The following YIPF4 variants were observed in gnomAD, a reference collection of about 807,000 sequenced individuals.
YIPF4 encodes protein YIPF4.
In YIPF4, 18 loss-of-function variants were observed where a neutral mutation model predicts 29.4. The observed-to-expected ratio is 0.61, with a 90% confidence interval of 0.42 to 0.91. YIPF4 has a LOEUF of 0.91. YIPF4 is among the 40% of genes least tolerant of loss of function. The pLI is 0.00. For synonymous variants in YIPF4, 115 were observed against 104.7 expected, an observed-to-expected ratio of 1.10 and a Z score of -0.60; for missense variants, 279 against 282.7, an observed-to-expected ratio of 0.99 and a Z score of 0.09.
intron 1 of YIPF4, among the ~76,000 whole-genome samples, chr2:32,284,880 G>A (rs912756284): frequency 6.6e-6 from 1 of 152,174 alleles, no homozygotes. Flanking sequence ...GAGCAGGTAA[G>A]TGGGCCTGGA....
chr2:32,299,581 G>A (rs1054625086), intron 4 of YIPF4, among the ~76,000 whole-genome samples: 1 of 152,166 alleles, frequency 6.6e-6, no homozygotes, highest in Non-Finnish European at 1.5e-5. Context: ...CAGCACTTTG[G>A]GGGGCTGACG....
At position 32,298,285 on chromosome 2, in the gene YIPF4, T is replaced by C. The variant is rs1355667197; in HGVS notation, c.457T>C (p.Leu153=). The change falls in exon 4 of 6, where the codon TTA becomes CTA. Residue 153 remains leucine (L), a synonymous_variant. Transcript: ENST00000238831. ...GATATTTGGTTCACTAACAATTTTC[T>C]TACTGGCCAGAGTTCTTGGTGGAGA... ...IWIFGSLTIF[L]LARVLGGEVA... 3.1e-6 allele frequency: 5 copies of C among 1,610,706 alleles called. No individual in the cohort carries two copies.
rs531932394 is a variant in YIPF4, at chr2:32,309,666, T to C, written c.*4040T>C. ...GCACATTTTATCCAGTTTTAGGCTT[T>C]AGGGAATTGTGACCCTTTTTTTTTT... is the stretch of plus-strand genomic sequence containing the variant. On this transcript the variant is annotated 3_prime_UTR_variant, in exon 6 of 6. Transcript: ENST00000238831. 5 of 151,748 alleles carry C rather than the reference T, an allele frequency of 3.3e-5. No individual in the cohort carries two copies. Among genetic ancestry groups the C allele is most frequent in the Admixed American group, 3.3e-4 (5 of 15,224 alleles). The allele number at this position is 151,748 out of a possible 1,614,324, so 9.4% of individuals were successfully genotyped here. A position where few individuals can be genotyped will look rare whatever the true frequency, so the allele number is the denominator to read the frequency against.
intron 1 of YIPF4, among the ~76,000 whole-genome samples, chr2:32,283,497 C>G (rs1211571872): frequency 6.6e-6 from 1 of 152,116 alleles, no homozygotes; most frequent in Non-Finnish European, 1.5e-5. Flanking sequence ...GATGCAGATT[C>G]TGATCATCAT....
Position 32,301,399 on chromosome 2 carries a change from C to G in YIPF4, c.501C>G (p.Val167=). Residue 167 remains valine, a synonymous_variant, in exon 5 of 6, where the codon GTC becomes GTG. Transcript: ENST00000238831. ...VLGGEVAYGQ[V]LGVIGYSLLP... is the part of the protein sequence containing the mutation. ...ATTCACAGGTTGCATATGGCCAAGT[C>G]CTTGGAGTTATAGGATATTCATTAC... 1 of 1,610,098 alleles carries G rather than the reference C, an allele frequency of 6.2e-7. No homozygotes were observed. Among genetic ancestry groups the G allele is most frequent in the Non-Finnish European group, 8.5e-7 (1 of 1,178,568 alleles).
chr2:32,285,006 G>C (rs969277255), intron 1 of YIPF4, among the ~76,000 whole-genome samples: 2 of 152,150 alleles, frequency 1.3e-5, no homozygotes, highest in East Asian at 1.9e-4. Context: ...AGTCTCCGGG[G>C]TACAGTGAAG....
intron 3 of YIPF4, 54 bp downstream of exon 3, chr2:32,292,402 T>G: frequency 7.9e-7 from 1 of 1,272,918 alleles, no homozygotes; most frequent in South Asian, 2.0e-5. Context: ...TTTCAAAAAT[T>G]AAATATAATA....
intron 4 of YIPF4, among the ~76,000 whole-genome samples, chr2:32,299,571 C>G (rs2031319933): frequency 6.6e-6 from 1 of 152,316 alleles, no homozygotes; most frequent in African/African-American, 2.4e-5. Flanking sequence ...CCTGTAGTCC[C>G]AGCACTTTGG....
intron 5 of YIPF4, 68 bp downstream of exon 5, chr2:32,301,563 C>T: frequency 9.4e-7 from 1 of 1,061,252 alleles, no homozygotes; most frequent in Non-Finnish European, 1.4e-6. Context: ...AGGCCTCTAG[C>T]TAGGAATATT....
chr2:32,293,665 G>A (rs1573534295), intron 3 of YIPF4, among the ~76,000 whole-genome samples: 1 of 152,176 alleles, frequency 6.6e-6, no homozygotes, highest in Non-Finnish European at 1.5e-5. Context: ...CAGTAGGGGA[G>A]GCCGGGCAGA....
intron 5 of YIPF4, 31 bp from the exon 6 acceptor site, chr2:32,305,458 C>T: frequency 1.4e-6 from 2 of 1,451,332 alleles, no homozygotes; most frequent in Non-Finnish European, 1.8e-6. Context: ...TGCTAATATG[C>T]TGCCTTTTGT....
Position 32,290,463 on chromosome 2 carries a change from T to A in YIPF4, c.80-20T>A. The A allele has an allele frequency of 1.4e-6, 2 of 1,463,114 alleles. No homozygotes were observed. Among genetic ancestry groups the A allele is most frequent in the Non-Finnish European group, 1.8e-6 (2 of 1,104,630 alleles). The allele number at this position is 1,463,114 out of a possible 1,614,324, so 90.6% of individuals were successfully genotyped here. A position where few individuals can be genotyped will look rare whatever the true frequency, so the allele number is the denominator to read the frequency against. On this transcript the variant is annotated intron_variant, in intron 1 of 5. Coordinates refer to ENST00000238831, the MANE Select transcript of YIPF4 (RefSeq NM_032312.4). ...ATGTTGTGCCTTAGTTTATATAGTT[T>A]TATCCTCTTTTCTCCTAAGATCTCA...
intron 4 of YIPF4, among the ~76,000 whole-genome samples, chr2:32,300,021 C>G (rs1207513928): frequency 6.6e-6 from 1 of 152,102 alleles, no homozygotes; most frequent in Non-Finnish European, 1.5e-5. Flanking sequence ...CATCCCAGCA[C>G]TTTGGGAGGC....
rs1428180078 is a variant in YIPF4 at position 32,278,029 on chromosome 2, G to T, written c.-127G>T. On this transcript the variant is annotated 5_prime_UTR_variant, in exon 1 of 6. Transcript: ENST00000238831. Reference sequence around the variant, plus strand: ...GCTGTGCCCGTTTCTGGCCTCGCTCGCAGCTTGCACGTCGAGACTCGTAGG... The same window carrying T: ...GCTGTGCCCGTTTCTGGCCTCGCTCTCAGCTTGCACGTCGAGACTCGTAGG... 5 of 769,230 alleles carry T rather than the reference G, an allele frequency of 6.5e-6. No homozygotes were observed. The highest frequency in any genetic ancestry group is 3.4e-5 in the Admixed American group (1 of 29,146). 47.7% of individuals were successfully genotyped at this position (769,230 alleles called of 1,614,324 possible). A position where few individuals can be genotyped will look rare whatever the true frequency, so the allele number is the denominator to read the frequency against.
At chr2:32,287,106 A>C (rs999555572) in intron 1 of YIPF4, among the ~76,000 whole-genome samples, 8 of 152,044 alleles carry the variant, frequency 5.3e-5, no homozygotes, top group African/African-American at 1.7e-4. Context: ...TTAGCTGGGC[A>C]TGGTGGTGCA....
intron 3 of YIPF4, among the ~76,000 whole-genome samples, chr2:32,296,832 A>G (rs1470726631): frequency 6.6e-6 from 1 of 152,214 alleles, no homozygotes; most frequent in Admixed American, 6.5e-5. Context: ...TACTAATTTT[A>G]GCATCCATTG....
intron 1 of YIPF4, among the ~76,000 whole-genome samples, chr2:32,284,340 G>C (rs1235830699): frequency 6.6e-6 from 1 of 152,174 alleles, no homozygotes; most frequent in Non-Finnish European, 1.5e-5. Flanking sequence ...GCTTAAGCGA[G>C]TGTAATGGTT....
intron 3 of YIPF4, among the ~76,000 whole-genome samples, chr2:32,293,231 C>G (rs1362885782): frequency 6.6e-6 from 1 of 151,880 alleles, no homozygotes; most frequent in Non-Finnish European, 1.5e-5. Flanking sequence ...GGCAGAGGAC[C>G]CTGCGGCCTT....
In YIPF4 at chr2:32,302,033, C is replaced by CTTT. The variant is rs753050630; in HGVS notation, c.597+551_597+553dup. Among the ~76,000 whole-genome samples the CTTT allele has an allele frequency of 6.7e-5, 9 of 134,412 alleles. No homozygotes were observed. In the South Asian group the frequency reaches 9.7e-4, roughly 14 times the overall value. 88.2% of individuals were successfully genotyped at this position (134,412 alleles called of 152,430 possible). ...TCAGCATTTTTCTTTTTCTTTCTTT[C>CTTT]TTTTTTTTTTTTTTTGAGACAGAGT... is the stretch of plus-strand genomic sequence containing the variant. On this transcript the variant is annotated intron_variant, in intron 5 of 5. Coordinates refer to ENST00000238831, the MANE Select transcript of YIPF4 (RefSeq NM_032312.4).
Sources: allele counts gnomAD v4.1 joint callset (sites outside exome capture counted in the v4.1 genomes callset), GRCh38; gene constraint gnomAD v4.1.1; transcripts MANE v1.5; gene names NCBI Gene and HGNC (gene_info 2026-07-23, HGNC 2026-07-21).